The following TAOK3 variants were observed in gnomAD, a reference collection of about 807,000 sequenced individuals.
TAOK3 encodes TAO kinase 3.
A neutral mutation model predicts 120.4 loss-of-function variants in TAOK3; 40 were observed. The ratio of observed to expected loss-of-function variants is 0.33; its 90% CI spans 0.26 to 0.43. The LOEUF is 0.43. TAOK3 is among the 20% of genes least tolerant of loss of function. The pLI is 1.00. For synonymous variants in TAOK3, 355 were observed against 387.5 expected, an observed-to-expected ratio of 0.92 and a Z score of 0.99; for missense variants, 821 against 1,112.1, an observed-to-expected ratio of 0.74 and a Z score of 3.72.
At chr12:118,311,036 G>A (rs2043241793) in intron 1 of TAOK3, among the ~76,000 whole-genome samples, 1 of 152,116 alleles carries the variant, frequency 6.6e-6, no homozygotes, top group African/African-American at 2.4e-5. Flanking sequence ...GTGTTTCATA[G>A]GTATTCATGT....
At chr12:118,193,436 A>G (rs1461315702) in intron 13 of TAOK3, among the ~76,000 whole-genome samples, 1 of 152,190 alleles carries the variant, frequency 6.6e-6, no homozygotes, top group Non-Finnish European at 1.5e-5. Context: ...TGGTAAAAAG[A>G]ATTGAATTTC....
chr12:118,351,824 T>G (rs957218507), intron 1 of TAOK3, among the ~76,000 whole-genome samples: 7 of 151,478 alleles, frequency 4.6e-5, no homozygotes, highest in African/African-American at 1.7e-4. Flanking sequence ...AAATGCTTCT[T>G]GGTTGTGTAA....
In TAOK3 at chr12:118,150,060, A is replaced by T. The variant is rs2034283372; in HGVS notation, c.*937T>A. 6.6e-6 allele frequency: 1 copy of T among 152,534 alleles called. No individual in the cohort carries two copies. Among genetic ancestry groups the T allele is most frequent in the Non-Finnish European group, 1.5e-5 (1 of 68,052 alleles). The allele number at this position is 152,534 out of a possible 1,614,324, so 9.4% of individuals were successfully genotyped here. A position where few individuals can be genotyped will look rare whatever the true frequency, so the allele number is the denominator to read the frequency against. ...GATCAAGATGATCTGATTGAGAGACAGTGTTGAACTCCAAATACTGAACTG... is the reference window on the plus strand; with the variant it reads ...GATCAAGATGATCTGATTGAGAGACTGTGTTGAACTCCAAATACTGAACTG... On this transcript the variant is annotated 3_prime_UTR_variant, in exon 21 of 21. Transcript: ENST00000392533.
intron 1 of TAOK3, among the ~76,000 whole-genome samples, chr12:118,281,344 G>T (rs992367978): frequency 5.3e-5 from 8 of 152,120 alleles, no homozygotes; most frequent in Non-Finnish European, 1.0e-4. Context: ...CCCTATAAAA[G>T]GGATTTGTCA....
chr12:118,230,082 G>A (rs895406893), intron 9 of TAOK3, among the ~76,000 whole-genome samples: 2 of 152,116 alleles, frequency 1.3e-5, no homozygotes, highest in African/African-American at 2.4e-5. Flanking sequence ...TGAGGCATTG[G>A]GGGGCTTCTT....
chr12:118,283,896 A>G (rs944429282), intron 1 of TAOK3, among the ~76,000 whole-genome samples: 1 of 152,230 alleles, frequency 6.6e-6, no homozygotes, highest in Admixed American at 6.5e-5. Flanking sequence ...CAAAGCTGGA[A>G]CAGTCTATTG....
chr12:118,151,399 C>G (rs983005497), intron 20 of TAOK3, among the ~76,000 whole-genome samples: 1 of 152,056 alleles, frequency 6.6e-6, no homozygotes, highest in Non-Finnish European at 1.5e-5. Context: ...AACTTGCTCA[C>G]AAGAATATCA....
At chr12:118,222,012 G>A (rs1399942743) in intron 9 of TAOK3, among the ~76,000 whole-genome samples, 1 of 152,108 alleles carries the variant, frequency 6.6e-6, no homozygotes, top group African/African-American at 2.4e-5. Flanking sequence ...AGAAAAAACA[G>A]TAGTTTCCCT....
chr12:118,370,676 C>T (rs1214065861), intron 1 of TAOK3, among the ~76,000 whole-genome samples: 2 of 152,194 alleles, frequency 1.3e-5, no homozygotes, highest in South Asian at 2.1e-4. Flanking sequence ...CATGTGCATT[C>T]GAGTTTGAAA....
intron 9 of TAOK3, among the ~76,000 whole-genome samples, chr12:118,225,077 G>A (rs2039433489): frequency 6.6e-6 from 1 of 151,574 alleles, no homozygotes; most frequent in Non-Finnish European, 1.5e-5. Flanking sequence ...GTGAAATTCT[G>A]TCTCTACTAA....
chr12:118,227,285 A>G (rs1227452736), intron 9 of TAOK3, among the ~76,000 whole-genome samples: 1 of 147,754 alleles, frequency 6.8e-6, no homozygotes, highest in Non-Finnish European at 1.5e-5. Context: ...ATTTTATAAT[A>G]TAAATTTATA....
intron 1 of TAOK3, among the ~76,000 whole-genome samples, chr12:118,360,048 C>T (rs1008135510): frequency 3.4e-5 from 5 of 146,158 alleles, no homozygotes; most frequent in East Asian, 2.1e-4. Flanking sequence ...GGCGGATCAC[C>T]TGAGGTTAGG....
intron 2 of TAOK3, among the ~76,000 whole-genome samples, chr12:118,256,238 T>C (rs1389241663): frequency 1.3e-5 from 2 of 152,216 alleles, no homozygotes; most frequent in Admixed American, 6.5e-5. Context: ...GCATACTCAC[T>C]AGGATAGTGA....
chr12:118,308,560 C>G (rs2043136889), intron 1 of TAOK3, among the ~76,000 whole-genome samples: 1 of 152,098 alleles, frequency 6.6e-6, no homozygotes, highest in Admixed American at 6.6e-5. Context: ...CAGCATGTTT[C>G]CCAGTATACC....
chr12:118,227,064 GA>G (rs774633175), intron 9 of TAOK3, among the ~76,000 whole-genome samples: 2 of 151,658 alleles, frequency 1.3e-5, no homozygotes, highest in South Asian at 2.1e-4. Context: ...ATTTTGGTAA[GA>G]AAAAAACTTG....
intron 1 of TAOK3, among the ~76,000 whole-genome samples, chr12:118,288,386 G>C (rs2042340237): frequency 6.6e-6 from 1 of 151,952 alleles, no homozygotes; most frequent in Non-Finnish European, 1.5e-5. Flanking sequence ...CATATGGGTG[G>C]GTGGCCTTGT....
chr12:118,234,678 G>A (rs888198051), intron 8 of TAOK3, among the ~76,000 whole-genome samples: 1 of 152,086 alleles, frequency 6.6e-6, no homozygotes, highest in Admixed American at 6.5e-5. Flanking sequence ...GAGTAGCTGG[G>A]ATTACAGGCA....
At chr12:118,336,243 T>C (rs2044361417) in intron 1 of TAOK3, among the ~76,000 whole-genome samples, 1 of 152,128 alleles carries the variant, frequency 6.6e-6, no homozygotes, top group South Asian at 2.1e-4. Flanking sequence ...GAGATAAAAA[T>C]ATAGGTCTAC....
chr12:118,263,027 A>C (rs1487072042), intron 2 of TAOK3, among the ~76,000 whole-genome samples: 1 of 152,194 alleles, frequency 6.6e-6, no homozygotes. Context: ...AAGGACCCAG[A>C]ATAACCAAAG....
Sources: allele counts gnomAD v4.1 joint callset (sites outside exome capture counted in the v4.1 genomes callset), GRCh38; gene constraint gnomAD v4.1.1; transcripts MANE v1.5; gene names NCBI Gene and HGNC (gene_info 2026-07-23, HGNC 2026-07-21).